TMEM263: variants seen among roughly 807,000 people sequenced by gnomAD.
TMEM263 encodes transmembrane protein 263.
TMEM263 carries 5 observed loss-of-function variants against 8.6 expected under a neutral mutation model. The observed-to-expected ratio is 0.58, with a 90% confidence interval of 0.31 to 1.23. The LOEUF (loss-of-function observed/expected upper bound fraction) is 1.23. Ranked by LOEUF, TMEM263 falls within the 50% of genes most tolerant of loss-of-function variation. The pLI is 0.07. For missense variants in TMEM263, 104 were observed against 138.8 expected, an observed-to-expected ratio of 0.75 and a Z score of 1.26; for synonymous variants, 50 against 47.9, an observed-to-expected ratio of 1.04 and a Z score of -0.18.
intron 2 of TMEM263, among the ~76,000 whole-genome samples, chr12:106,961,884 A>G (rs758394832): frequency 7.2e-5 from 11 of 152,164 alleles, no homozygotes; most frequent in Non-Finnish European, 1.3e-4. Context: ...ATTTTCTTAA[A>G]GCATCATGTG....
intron 1 of TMEM263, chr12:106,956,846 G>C (rs1316399852): frequency 6.6e-6 from 1 of 152,596 alleles, no homozygotes; most frequent in Admixed American, 6.6e-5. Context: ...TAGCCACGGC[G>C]CCTCCAGGGT....
Position 106,971,396 on chromosome 12 carries a change from T to C in TMEM263, c.*5T>C, listed in dbSNP as rs763088223. 9 of 1,594,740 alleles carry C rather than the reference T, an allele frequency of 5.6e-6. No homozygotes were observed. The highest frequency in any genetic ancestry group is 3.4e-5 in the Admixed American group (2 of 58,574). On this transcript the variant is annotated 3_prime_UTR_variant, in exon 4 of 4. Coordinates refer to ENST00000280756, the MANE Select transcript of TMEM263 (RefSeq NM_152261.4). ...AAGAAAGACAAATCTGACTGAAATA[T>C]AGAGATACACTTGCGCTCCACAGCA...
At chr12:106,962,524 A>T (rs969307581) in intron 2 of TMEM263, among the ~76,000 whole-genome samples, 3 of 152,200 alleles carry the variant, frequency 2.0e-5, no homozygotes, top group Admixed American at 2.0e-4. Context: ...TGAGCTGGCC[A>T]ATTAAGGCTG....
At chr12:106,961,219 AGTC>A (rs1951772218) in intron 2 of TMEM263, among the ~76,000 whole-genome samples, 2 of 125,856 alleles carry the variant, frequency 1.6e-5, no homozygotes, top group South Asian at 2.7e-4. Flanking sequence ...CACCGTGCCC[AGTC>A]AATTTTTTTT....
At chr12:106,969,582 C>T (rs898585786) in intron 3 of TMEM263, among the ~76,000 whole-genome samples, 4 of 151,778 alleles carry the variant, frequency 2.6e-5, no homozygotes, top group South Asian at 4.2e-4. Context: ...AAAAATTAGC[C>T]GGGTGTGGTG....
Position 106,955,915 on chromosome 12 carries a change from C to A in TMEM263, c.-225C>A. The A allele has an allele frequency of 4.1e-6, 4 of 985,708 alleles. No individual in the cohort carries two copies. Among genetic ancestry groups the A allele is most frequent in the Non-Finnish European group, 4.8e-6 (4 of 830,212 alleles). 61.1% of individuals were successfully genotyped at this position (985,708 alleles called of 1,614,324 possible). A position where few individuals can be genotyped will look rare whatever the true frequency, so the allele number is the denominator to read the frequency against. On this transcript the variant is annotated 5_prime_UTR_variant, in exon 1 of 4. Coordinates refer to ENST00000280756, the MANE Select transcript of TMEM263 (RefSeq NM_152261.4). ...CCTCCACCACCGCCGCCACAGTCTT[C>A]CAGCTCCACATCCTGAGAGGACGCC...
intron 2 of TMEM263, among the ~76,000 whole-genome samples, chr12:106,958,970 T>G (rs1265375474): frequency 6.6e-6 from 1 of 152,234 alleles, no homozygotes; most frequent in Admixed American, 6.5e-5. Flanking sequence ...CAGATATATT[T>G]GTTTCTTGAA....
In TMEM263 at chr12:106,973,752, T is replaced by G. The variant is rs1212127411; in HGVS notation, c.*2361T>G. 1.3e-5 allele frequency: 2 copies of G among 152,630 alleles called. No individual in the cohort carries two copies. Among genetic ancestry groups the G allele is most frequent in the Non-Finnish European group, 2.9e-5 (2 of 68,038 alleles). 9.5% of individuals were successfully genotyped at this position (152,630 alleles called of 1,614,324 possible). On this transcript the variant is annotated 3_prime_UTR_variant, in exon 4 of 4. Transcript: ENST00000280756. Reference sequence around the variant, plus strand: ...ACTAGTTCAAGTCAAGAAACTAAGGTTGTTGTATACACCTGGAGGCATCTG... The same window carrying G: ...ACTAGTTCAAGTCAAGAAACTAAGGGTGTTGTATACACCTGGAGGCATCTG...
Position 106,972,060 on chromosome 12 carries a change from A to G in TMEM263, c.*669A>G, listed in dbSNP as rs747225557. 1.1e-4 allele frequency: 17 copies of G among 152,766 alleles called. No individual in the cohort carries two copies. Among genetic ancestry groups the G allele is most frequent in the South Asian group, 6.2e-4 (3 of 4,828 alleles). 9.5% of individuals were successfully genotyped at this position (152,766 alleles called of 1,614,324 possible). A position where few individuals can be genotyped will look rare whatever the true frequency, so the allele number is the denominator to read the frequency against. ...CTTAGAATCATCTATGGATTCTTTT[A>G]AAGGTTGTTTGTGAAATTAGTTTTC... On this transcript the variant is annotated 3_prime_UTR_variant, in exon 4 of 4. Coordinates refer to ENST00000280756, the MANE Select transcript of TMEM263 (RefSeq NM_152261.4).
chr12:106,958,286 G>T (rs1271840836), intron 2 of TMEM263, among the ~76,000 whole-genome samples: 1 of 152,020 alleles, frequency 6.6e-6, no homozygotes, highest in Non-Finnish European at 1.5e-5. Context: ...GAAAATTTAT[G>T]TACTGTTTTT....
chr12:106,966,262 A>G lies in TMEM263; in HGVS notation c.-6-849A>G, dbSNP rs371237984. 1.4e-4 allele frequency among the ~76,000 whole-genome samples: 21 copies of G among 152,260 alleles called. No homozygotes were observed. The East Asian group carries it at 1.5e-3, about 11-fold the overall frequency. ...GTATTTGGTTTTCTGTTCCAGTGTT[A>G]GCTCACTTAGGATCATGGCCCCCAG... On this transcript the variant is annotated intron_variant, in intron 2 of 3. Transcript: ENST00000280756.
intron 2 of TMEM263, among the ~76,000 whole-genome samples, chr12:106,961,911 T>G (rs936435926): frequency 1.3e-5 from 2 of 152,228 alleles, no homozygotes; most frequent in Admixed American, 6.5e-5. Flanking sequence ...GTATGTTGTT[T>G]TTTAGATTAT....
At chr12:106,959,934 A>G (rs1203083274) in intron 2 of TMEM263, among the ~76,000 whole-genome samples, 1 of 152,168 alleles carries the variant, frequency 6.6e-6, no homozygotes, top group Non-Finnish European at 1.5e-5. Context: ...TTAATTAAAA[A>G]TTAGTAATAA....
chr12:106,971,394 T>TA lies in TMEM263; in HGVS notation c.*4dup. ...AGAAGAAAGACAAATCTGACTGAAA[T>TA]ATAGAGATACACTTGCGCTCCACAG... On this transcript the variant is annotated 3_prime_UTR_variant, in exon 4 of 4. Coordinates refer to ENST00000280756, the MANE Select transcript of TMEM263 (RefSeq NM_152261.4). The TA allele has an allele frequency of 6.3e-7, 1 of 1,596,300 alleles. No homozygotes were observed. The highest frequency in any genetic ancestry group is 8.5e-7 in the Non-Finnish European group (1 of 1,169,996).
chr12:106,956,461 C>T (rs1951692847), intron 1 of TMEM263, among the ~76,000 whole-genome samples: 1 of 152,192 alleles, frequency 6.6e-6, no homozygotes, highest in Non-Finnish European at 1.5e-5. Flanking sequence ...AACTCCTGAC[C>T]TGTTGCTAAA....
chr12:106,964,834 T>G (rs764678874), intron 2 of TMEM263, among the ~76,000 whole-genome samples: 21 of 152,204 alleles, frequency 1.4e-4, no homozygotes, highest in Non-Finnish European at 3.1e-4. Flanking sequence ...TTCCCATTTC[T>G]CGCAACCTCT....
intron 3 of TMEM263, among the ~76,000 whole-genome samples, chr12:106,968,775 A>G (rs745629291): frequency 6.6e-5 from 10 of 152,212 alleles, no homozygotes; most frequent in Middle Eastern, 3.2e-3. Context: ...ATGTGTACCA[A>G]ATTTGGCATG....
At chr12:106,967,834 G>A (rs1342013225) in intron 3 of TMEM263, among the ~76,000 whole-genome samples, 1 of 152,144 alleles carries the variant, frequency 6.6e-6, no homozygotes, top group Non-Finnish European at 1.5e-5. Context: ...TACAAAATCA[G>A]CCTAATGCAA....
intron 1 of TMEM263, among the ~76,000 whole-genome samples, chr12:106,956,526 C>G (rs950552853): frequency 2.0e-5 from 3 of 152,170 alleles, no homozygotes; most frequent in East Asian, 1.9e-4. Context: ...ACCCCCATAG[C>G]TCTTCCTGGG....
Sources: gnomAD v4.1 joint callset for allele counts (sites outside exome capture counted in the v4.1 genomes callset) on GRCh38, gnomAD v4.1.1 for gene constraint, MANE v1.5 for transcripts, NCBI Gene and HGNC (gene_info 2026-07-23, HGNC 2026-07-21) for gene names.